HCN1: variants seen among roughly 807,000 people sequenced by gnomAD.
The protein encoded by HCN1 is potassium/sodium hyperpolarization-activated cyclic nucleotide-gated channel 1.
HCN1 carries 13 observed loss-of-function variants against 78.9 expected under a neutral mutation model. The observed-to-expected ratio is 0.16, with a 90% confidence interval of 0.11 to 0.26. The LOEUF (loss-of-function observed/expected upper bound fraction) is 0.26, where lower values mean the gene tolerates loss of function less well. HCN1 is among the 10% of genes least tolerant of loss of function. HCN1 has a pLI of 1.00. For synonymous variants in HCN1, 552 were observed against 455.5 expected (o/e 1.21, Z -2.70); for missense variants, 810 against 1,154.3 (o/e 0.70, Z 4.32).
chr5:45,361,333 G>A (rs764849043), intron 4 of HCN1, among the ~76,000 whole-genome samples: 12 of 152,028 alleles, frequency 7.9e-5, no homozygotes, highest in Admixed American at 3.9e-4. Context: ...GCACCACCAC[G>A]CCCAGCTAAT....
At chr5:45,690,891 C>T (rs910347736) in intron 1 of HCN1, among the ~76,000 whole-genome samples, 17 of 152,012 alleles carry the variant, frequency 1.1e-4, no homozygotes, top group South Asian at 4.1e-4. Context: ...AGTTCTTTTC[C>T]GGAGCCCAAT....
At chr5:45,499,247 G>C (rs892758248) in intron 2 of HCN1, among the ~76,000 whole-genome samples, 18 of 152,168 alleles carry the variant, frequency 1.2e-4, no homozygotes, top group Non-Finnish European at 2.1e-4. Context: ...CCATGCGCAT[G>C]CACGTAGGCC....
At chr5:45,405,045 A>G (rs907764509) in intron 3 of HCN1, among the ~76,000 whole-genome samples, 1 of 152,178 alleles carries the variant, frequency 6.6e-6, no homozygotes, top group African/African-American at 2.4e-5. Context: ...TGAAGAATTA[A>G]TGGATAATAA....
intron 5 of HCN1, among the ~76,000 whole-genome samples, chr5:45,337,109 C>T (rs560553640): frequency 1.4e-4 from 21 of 152,142 alleles, no homozygotes; most frequent in African/African-American, 4.8e-4. Flanking sequence ...TGTATACCCT[C>T]TATAATGGTA....
intron 2 of HCN1, among the ~76,000 whole-genome samples, chr5:45,539,214 C>T (rs1465179691): frequency 2.6e-5 from 4 of 152,214 alleles, no homozygotes; most frequent in South Asian, 4.1e-4. Flanking sequence ...GCTTCTGCCA[C>T]ACAGTATATT....
intron 7 of HCN1, among the ~76,000 whole-genome samples, chr5:45,265,641 A>G (rs1744840620): frequency 6.6e-6 from 1 of 152,196 alleles, no homozygotes; most frequent in African/African-American, 2.4e-5. Flanking sequence ...CAACATAACA[A>G]TTTATCAATC....
At chr5:45,264,742 T>C (rs1579764742) in intron 7 of HCN1, among the ~76,000 whole-genome samples, 1 of 152,154 alleles carries the variant, frequency 6.6e-6, no homozygotes, top group African/African-American at 2.4e-5. Context: ...AGTCAAAATA[T>C]CTTAATCTAA....
intron 2 of HCN1, among the ~76,000 whole-genome samples, chr5:45,476,697 C>T (rs1024049235): frequency 6.6e-6 from 1 of 152,020 alleles, no homozygotes; most frequent in African/African-American, 2.4e-5. Flanking sequence ...TTTGTCTGCC[C>T]TCTTCATTAG....
At chr5:45,334,881 A>G (rs1057258673) in intron 5 of HCN1, among the ~76,000 whole-genome samples, 1 of 152,006 alleles carries the variant, frequency 6.6e-6, no homozygotes, top group Non-Finnish European at 1.5e-5. Context: ...AACTTTAAAC[A>G]CATTTTTAGA....
chr5:45,550,009 A>G (rs543479485), intron 2 of HCN1, among the ~76,000 whole-genome samples: 5 of 152,240 alleles, frequency 3.3e-5, no homozygotes, highest in Admixed American at 6.5e-5. Context: ...CAGGTGCTGG[A>G]GAGTATGTGG....
intron 3 of HCN1, among the ~76,000 whole-genome samples, chr5:45,439,487 A>T (rs1740629006): frequency 6.6e-6 from 1 of 152,212 alleles, no homozygotes; most frequent in Non-Finnish European, 1.5e-5. Context: ...GAGAAAAATG[A>T]AGTGTAATGA....
intron 2 of HCN1, among the ~76,000 whole-genome samples, chr5:45,484,474 T>C (rs1484560337): frequency 2.6e-5 from 4 of 152,128 alleles, no homozygotes; most frequent in South Asian, 2.1e-4. Context: ...AATTACTTCA[T>C]TGGACTTCCA....
chr5:45,690,926 A>C (rs1739898048), intron 1 of HCN1, among the ~76,000 whole-genome samples: 1 of 152,084 alleles, frequency 6.6e-6, no homozygotes, highest in South Asian at 2.1e-4. Flanking sequence ...AATGAAGTGA[A>C]TTATCTGCTA....
chr5:45,375,082 A>G (rs1747576219), intron 4 of HCN1, among the ~76,000 whole-genome samples: 1 of 114,356 alleles, frequency 8.7e-6, no homozygotes, highest in Non-Finnish European at 1.7e-5. Flanking sequence ...TATTATATAT[A>G]ATTATATATA....
At chr5:45,268,322 A>G (rs1052637659) in intron 6 of HCN1, among the ~76,000 whole-genome samples, 1 of 152,198 alleles carries the variant, frequency 6.6e-6, no homozygotes, top group Non-Finnish European at 1.5e-5. Flanking sequence ...TTTTCCAAAA[A>G]TTATGATTTG....
rs1739645739 is a variant in HCN1 at position 45,678,782 on chromosome 5, CAT to C, written c.425+16885_425+16886del. Among the ~76,000 whole-genome samples the C allele has an allele frequency of 2.0e-5, 3 of 152,078 alleles. No homozygotes were observed. The East Asian group carries it at 5.8e-4, about 29-fold the overall frequency. On this transcript the variant is annotated intron_variant, in intron 1 of 7. Coordinates refer to ENST00000303230, the MANE Select transcript of HCN1 (RefSeq NM_021072.4). ...CTAAAGAAGTTTTGTTTCTTTTTTA[CAT>C]GTCTTCCTGAATAAGAACATTTCTA...
At chr5:45,637,398 A>T (rs1345242415) in intron 2 of HCN1, among the ~76,000 whole-genome samples, 7 of 152,022 alleles carry the variant, frequency 4.6e-5, no homozygotes, top group African/African-American at 1.7e-4. Flanking sequence ...AATAACTGAA[A>T]TCATCTAGCA....
chr5:45,344,568 G>C (rs912871256), intron 5 of HCN1, among the ~76,000 whole-genome samples: 7 of 152,166 alleles, frequency 4.6e-5, no homozygotes, highest in African/African-American at 1.2e-4. Context: ...GGTAAATACA[G>C]CTATTCTAAA....
intron 4 of HCN1, among the ~76,000 whole-genome samples, chr5:45,371,457 C>T (rs1327886031): frequency 1.3e-5 from 2 of 151,608 alleles, no homozygotes; most frequent in Non-Finnish European, 2.9e-5. Flanking sequence ...ACCACTGAAC[C>T]CACTGAAATA....
Sources: gnomAD v4.1 joint callset for allele counts (sites outside exome capture counted in the v4.1 genomes callset) on GRCh38, gnomAD v4.1.1 for gene constraint, MANE v1.5 for transcripts, NCBI Gene and HGNC (gene_info 2026-07-23, HGNC 2026-07-21) for gene names.